The following GDPD2 variants were observed in gnomAD, a reference collection of about 807,000 sequenced individuals.
The protein encoded by GDPD2 is glycerophosphodiester phosphodiesterase 3.
Under a neutral mutation model 49.2 loss-of-function variants are expected in GDPD2, and 23 were observed. The ratio of observed to expected loss-of-function variants is 0.47; its 90% CI spans 0.34 to 0.66. GDPD2 has a LOEUF of 0.66. Among genes scored for constraint, GDPD2 ranks in the 30% least tolerant of loss-of-function variants. The pLI, the probability that GDPD2 is intolerant of heterozygous loss-of-function variation, is 0.01. For synonymous variants in GDPD2, 167 were observed against 171.4 expected, an observed-to-expected ratio of 0.97 and a Z score of 0.20; for missense variants, 338 against 424.7, an observed-to-expected ratio of 0.80 and a Z score of 1.79.
intron 12 of GDPD2, chrX:70,431,119 C>T: frequency 8.7e-7 from 1 of 1,146,931 alleles, no homozygotes; most frequent in East Asian, 3.3e-5. Context: ...GCTATCTCAC[C>T]TAGCTATGTA....
chrX:70,425,785 C>T lies in GDPD2; in HGVS notation c.232C>T (p.His78Tyr). ...CAGATTCCTCTTCCGCCGCTGGGGA[C>T]ACTGGATGGACTGGTCCCTGGCATT... is the stretch of plus-strand genomic sequence containing the variant. ...FNEFLFRRWG[H>Y]WMDWSLAFLL... Residue 78 changes from histidine to tyrosine, a missense_variant, in exon 4 of 16, where the codon CAC becomes TAC. His to Tyr is a moderately conservative substitution (Grantham distance 83). Transcript: ENST00000374382. The T allele has an allele frequency of 8.4e-7, 1 of 1,193,270 alleles. No individual in the cohort carries two copies. Among genetic ancestry groups the T allele is most frequent in the Non-Finnish European group, 1.1e-6 (1 of 879,088 alleles).
At chrX:70,425,583 G>A in intron 3 of GDPD2, 126 bp downstream of exon 3, 1 of 564,674 alleles carries the variant, frequency 1.8e-6, no homozygotes, top group East Asian at 3.3e-5. Flanking sequence ...CAGCTCTGCT[G>A]CTACCCAATC....
intron 5 of GDPD2, 103 bp from the exon 6 acceptor site, chrX:70,426,268 G>GGGGAA (rs897723050): frequency 3.7e-6 from 3 of 807,457 alleles, no homozygotes; most frequent in Non-Finnish European, 5.5e-6. Context: ...AGATGTGTCA[G>GGGGAA]GGGAAGGGAA....
rs776276735 is a variant in GDPD2 at position 70,424,729 on chromosome X, C to T, written c.-9-247C>T. ...AAAGAGGCTGGACCTCTTGGGTGTC[C>T]CACTGACTCTCCAGGTAACAAGATT... On this transcript the variant is annotated intron_variant, in intron 1 of 15. Coordinates refer to ENST00000374382, the MANE Select transcript of GDPD2 (RefSeq NM_017711.4). 1.3e-3 allele frequency among the ~76,000 whole-genome samples: 146 copies of T among 112,496 alleles called. 1 individual carries two copies. The highest frequency in any genetic ancestry group is 5.4e-3 in the Admixed American group (58 of 10,730).
chrX:70,431,329 C>A (rs761541244), intron 12 of GDPD2, among the ~76,000 whole-genome samples: 57 of 112,568 alleles, frequency 5.1e-4, no homozygotes, highest in Middle Eastern at 9.3e-3. Flanking sequence ...TAGGCCAAAT[C>A]TAGCAAGATG....
rs2086438635 is a variant in GDPD2 at position 70,427,698 on chromosome X, G to A, written c.936+235G>A. The A allele has an allele frequency of 1.2e-5, 4 of 322,600 alleles. No individual in the cohort carries two copies. The South Asian group carries it at 3.8e-4, about 30-fold the overall frequency. 26.6% of individuals were successfully genotyped at this position (322,600 alleles called of 1,213,427 possible). On this transcript the variant is annotated intron_variant, in intron 10 of 15. Coordinates refer to ENST00000374382, the MANE Select transcript of GDPD2 (RefSeq NM_017711.4). The stretch of plus-strand genomic sequence containing the variant: ...ATCAGGAGTGGATTCATACAGGAGA[G>A]GATGAAAGTCTTCTTCTAAGATGCA...
chrX:70,425,958 T>C (rs916070366), intron 4 of GDPD2, 94 bp from the exon 5 acceptor site: 1 of 906,405 alleles, frequency 1.1e-6, no homozygotes, highest in Admixed American at 2.2e-5. Flanking sequence ...GGGCTAATTC[T>C]TGGGTAGGAG....
In GDPD2 at chrX:70,429,479, G is replaced by T. The variant is rs749400257; in HGVS notation, c.937-14G>T. On this transcript the variant is annotated splice_polypyrimidine_tract_variant and intron_variant, in intron 10 of 15. Coordinates refer to ENST00000374382, the MANE Select transcript of GDPD2 (RefSeq NM_017711.4). ...AGCCTCTTCTGGTCTTGAAATAATT[G>T]TTCTTTCTTATAGAGGCGACCCTTC... 10 of 1,123,664 alleles carry T rather than the reference G, an allele frequency of 8.9e-6. No homozygotes were observed. In the Admixed American group the frequency reaches 2.1e-4, roughly 23 times the overall value. 92.6% of individuals were successfully genotyped at this position (1,123,664 alleles called of 1,213,427 possible).
At chrX:70,432,981 A>G in intron 15 of GDPD2, 41 bp downstream of exon 15, 1 of 1,175,431 alleles carries the variant, frequency 8.5e-7, no homozygotes, top group Non-Finnish European at 1.2e-6. Flanking sequence ...CTCCTCCTGT[A>G]GCTTTCCCCT....
At chrX:70,425,556 G>GCCCAGCTGCTCAAA (rs2086413733) in intron 3 of GDPD2, 99 bp downstream of exon 3, 2 of 608,321 alleles carry the variant, frequency 3.3e-6, no homozygotes, top group Non-Finnish European at 5.7e-6. Flanking sequence ...CCCCAGCCCT[G>GCCCAGCTGCTCAAA]CCCAGCTGCT....
intron 15 of GDPD2, 39 bp downstream of exon 15, chrX:70,432,979 G>A: frequency 8.5e-7 from 1 of 1,180,402 alleles, no homozygotes; most frequent in Non-Finnish European, 1.2e-6. Flanking sequence ...TTCTCCTCCT[G>A]TAGCTTTCCC....
In GDPD2 at chrX:70,425,443, G is replaced by A. The variant is rs772426541; in HGVS notation, c.195G>A (p.Leu65=). The change falls in exon 3 of 16, where the codon CTG becomes CTA. Residue 65 remains leucine (L), a synonymous_variant. Transcript: ENST00000374382. ...LYIGLVLLND[L]HNFNEFLFRR... is the part of the protein sequence containing the mutation. ...TCGGGCTCGTCCTTCTCAATGACCTGCACAACTTCAATGAGTGTGTCATGG... is the reference window on the plus strand; with the variant it reads ...TCGGGCTCGTCCTTCTCAATGACCTACACAACTTCAATGAGTGTGTCATGG... The A allele has an allele frequency of 2.6e-6, 3 of 1,160,042 alleles. No individual in the cohort carries two copies. The African/African-American group carries it at 5.4e-5, about 21-fold the overall frequency.
Position 70,433,335 on chromosome X carries a change from C to CCTCAAATGAAACTAG in GDPD2, c.*250_*264dup. The CCTCAAATGAAACTAG allele has an allele frequency of 4.8e-6, 2 of 412,592 alleles. No homozygotes were observed. Among genetic ancestry groups the CCTCAAATGAAACTAG allele is most frequent in the Middle Eastern group, 6.6e-4 (1 of 1,515 alleles). The allele number at this position is 412,592 out of a possible 1,213,427, so 34.0% of individuals were successfully genotyped here. Reference sequence around the variant, plus strand: ...AGAGAGTGAGTAATGAGAAGTTTCTCCTCAAATGAAACTAGAACAGAGGAA... The same window carrying CCTCAAATGAAACTAG: ...AGAGAGTGAGTAATGAGAAGTTTCTCCTCAAATGAAACTAGCTCAAATGAAACTAGAACAGAGGAA... On this transcript the variant is annotated 3_prime_UTR_variant, in exon 16 of 16. Coordinates refer to ENST00000374382, the MANE Select transcript of GDPD2 (RefSeq NM_017711.4).
chrX:70,431,208 C>A, intron 12 of GDPD2: 1 of 695,788 alleles, frequency 1.4e-6, no homozygotes, highest in South Asian at 2.5e-5. Context: ...TTGTCCTGGT[C>A]AATATCAGCT....
At chrX:70,425,720 C>A in intron 3 of GDPD2, 43 bp from the exon 4 acceptor site, 6 of 719,068 alleles carry the variant, frequency 8.3e-6, no homozygotes, top group Non-Finnish European at 1.3e-5. Context: ...CCACTATTGA[C>A]ACCCCTTCCC....
intron 11 of GDPD2, 55 bp downstream of exon 11, chrX:70,429,769 G>A (rs2086458333): frequency 1.9e-6 from 2 of 1,080,133 alleles, no homozygotes; most frequent in Non-Finnish European, 1.3e-6. Context: ...CCATGATGAT[G>A]AGGATGATTT....
intron 3 of GDPD2, 124 bp downstream of exon 3, chrX:70,425,581 C>A: frequency 1.8e-6 from 1 of 566,772 alleles, no homozygotes. Flanking sequence ...CCCAGCTCTG[C>A]TGCTACCCAA....
Position 70,429,983 on chromosome X carries a change from T to G in GDPD2, c.1227T>G (p.Tyr409Ter). The G allele has an allele frequency of 8.3e-7, 1 of 1,209,842 alleles. No individual in the cohort carries two copies. Among genetic ancestry groups the G allele is most frequent in the Non-Finnish European group, 1.1e-6 (1 of 893,598 alleles). Residue 409 changes from tyrosine to a stop codon, truncating the protein, a stop_gained, in exon 12 of 16, where the codon TAT (tyrosine) becomes TAG (stop). Coordinates refer to ENST00000374382, the MANE Select transcript of GDPD2 (RefSeq NM_017711.4). LOFTEE classifies it high-confidence loss of function. ...GGGCACCTGGAATGCGCCAGATATA[T>G]GGACGTCAGGGAGGCAACAGAACGG... Reference protein sequence around the residue: ...QRRAPGMRQIYGRQGGNRTER... With the variant: ...QRRAPGMRQI
At position 70,426,731 on chromosome X, in the gene GDPD2, C is replaced by A. The variant is rs1413637385; in HGVS notation, c.546C>A (p.Ile182=). 8.3e-7 allele frequency: 1 copy of A among 1,202,274 alleles called. No homozygotes were observed. Among genetic ancestry groups the A allele is most frequent in the East Asian group, 3.0e-5 (1 of 33,799 alleles). The part of the protein sequence containing the change: ...AWPVADTFYR[I]HRRGPKILLL... ...CTGTGGCTGATACCTTCTACCGTAT[C>A]CACCGAAGAGGTGCCAACGCTGCTG... Residue 182 remains isoleucine (I), a synonymous_variant, in exon 7 of 16, where the codon ATC becomes ATA. Transcript: ENST00000374382.
Sources: gnomAD v4.1 joint callset for allele counts (sites outside exome capture counted in the v4.1 genomes callset) on GRCh38, gnomAD v4.1.1 for gene constraint, MANE v1.5 for transcripts, NCBI Gene and HGNC (gene_info 2026-07-23, HGNC 2026-07-21) for gene names.